The following ADGB variants were observed in gnomAD, a reference collection of about 807,000 sequenced individuals.
ADGB encodes calpain-7-like protein.
In ADGB, 172 loss-of-function variants were observed where a neutral mutation model predicts 210.5. The ratio of observed to expected loss-of-function variants is 0.82; its 90% CI spans 0.72 to 0.93. The LOEUF (loss-of-function observed/expected upper bound fraction) is 0.93. Ranked by LOEUF, ADGB falls within the 40% of genes least tolerant of loss-of-function variation. The pLI, the probability that ADGB is intolerant of heterozygous loss-of-function variation, is 0.00. For missense variants in ADGB, 2,025 were observed against 1,964.8 expected (o/e 1.03, Z -0.58); for synonymous variants, 658 against 662.7 (o/e 0.99, Z 0.11).
At position 146,672,205 on chromosome 6, in the gene ADGB, TG is replaced by T; in HGVS notation, c.840-14del. On this transcript the variant is annotated splice_polypyrimidine_tract_variant and intron_variant, in intron 7 of 35. Transcript: ENST00000397944. Reference sequence around the variant, plus strand: ...AACATCGTTTGGAAATTAATGTTTTTGTCTTTTCTCTTAGCCCGGGATATAT... The same window carrying T: ...AACATCGTTTGGAAATTAATGTTTTTTCTTTTCTCTTAGCCCGGGATATAT... 1 of 1,461,094 alleles carries T rather than the reference TG, an allele frequency of 6.8e-7. No individual in the cohort carries two copies. Among genetic ancestry groups the T allele is most frequent in the Non-Finnish European group, 9.1e-7 (1 of 1,102,840 alleles). 90.5% of individuals were successfully genotyped at this position (1,461,094 alleles called of 1,614,324 possible). A position where few individuals can be genotyped will look rare whatever the true frequency, so the allele number is the denominator to read the frequency against.
chr6:146,734,043 A>G lies in ADGB; in HGVS notation c.2794+13A>G, dbSNP rs1234379197. On this transcript the variant is annotated intron_variant, in intron 22 of 35. Coordinates refer to ENST00000397944, the MANE Select transcript of ADGB (RefSeq NM_024694.4). ...GCCAGAATACCAGGTATGATTGTCCAAACATTTATAAAATGAACTTGTTTG... is the reference window on the plus strand; with the variant it reads ...GCCAGAATACCAGGTATGATTGTCCGAACATTTATAAAATGAACTTGTTTG... 5.2e-6 allele frequency: 8 copies of G among 1,545,332 alleles called. No homozygotes were observed. Among genetic ancestry groups the G allele is most frequent in the Non-Finnish European group, 7.0e-6 (8 of 1,144,734 alleles).
At chr6:146,690,741 C>A (rs892701283) in intron 10 of ADGB, among the ~76,000 whole-genome samples, 2 of 152,118 alleles carry the variant, frequency 1.3e-5, no homozygotes, top group African/African-American at 4.8e-5. Flanking sequence ...GTAGCAATGG[C>A]TAGTTTTTTT....
intron 1 of ADGB, among the ~76,000 whole-genome samples, chr6:146,620,056 G>A (rs1307060378): frequency 6.6e-6 from 1 of 152,050 alleles, no homozygotes; most frequent in Non-Finnish European, 1.5e-5. Context: ...TAATCTTACT[G>A]TTTGGCAGTA....
At chr6:146,720,592 T>C (rs1423873714) in intron 16 of ADGB, among the ~76,000 whole-genome samples, 1 of 152,178 alleles carries the variant, frequency 6.6e-6, no homozygotes, top group Non-Finnish European at 1.5e-5. Flanking sequence ...GGGTAATTTA[T>C]GTAGAAAAGA....
At chr6:146,649,131 A>G (rs1046663263) in intron 3 of ADGB, among the ~76,000 whole-genome samples, 1 of 151,662 alleles carries the variant, frequency 6.6e-6, no homozygotes, top group Non-Finnish European at 1.5e-5. Context: ...CTGAGATATT[A>G]AACAAAGGTA....
At chr6:146,632,526 G>C (rs1781080321) in intron 1 of ADGB, among the ~76,000 whole-genome samples, 1 of 152,072 alleles carries the variant, frequency 6.6e-6, no homozygotes, top group African/African-American at 2.4e-5. Flanking sequence ...TTTGAAGTAG[G>C]GGTTGGTGGT....
At position 146,746,087 on chromosome 6, in the gene ADGB, A is replaced by G; in HGVS notation, c.3343A>G (p.Asn1115Asp). Residue 1115 changes from asparagine to aspartate, a missense_variant, in exon 26 of 36, where the codon AAT becomes GAT. Coordinates refer to ENST00000397944, the MANE Select transcript of ADGB (RefSeq NM_024694.4). ...GGAAATCCGAGATTACTACATACCCAATGATAAGAAAATTTTATTCAGGTA... is the reference window on the plus strand; with the variant it reads ...GGAAATCCGAGATTACTACATACCCGATGATAAGAAAATTTTATTCAGGTA... ...IKEIRDYYIPNDKKILFRYSV... is the reference protein window; with the variant it reads ...IKEIRDYYIPDDKKILFRYSV... 6.5e-7 allele frequency: 1 copy of G among 1,542,040 alleles called. No homozygotes were observed. Among genetic ancestry groups the G allele is most frequent in the South Asian group, 1.2e-5 (1 of 82,108 alleles).
intron 27 of ADGB, among the ~76,000 whole-genome samples, chr6:146,758,199 C>T (rs1279120267): frequency 3.3e-5 from 5 of 152,004 alleles, no homozygotes; most frequent in African/African-American, 1.2e-4. Context: ...TATGTTAAGA[C>T]CATTTATCAG....
intron 29 of ADGB, among the ~76,000 whole-genome samples, chr6:146,772,682 A>G (rs894336385): frequency 1.3e-5 from 2 of 149,106 alleles, no homozygotes; most frequent in African/African-American, 4.9e-5. Context: ...ATAAAACAAT[A>G]TATACATAAT....
At chr6:146,782,269 G>A in intron 30 of ADGB, 77 bp downstream of exon 30, 2 of 1,346,724 alleles carry the variant, frequency 1.5e-6, no homozygotes, top group Non-Finnish European at 2.0e-6. Context: ...TATCTCGTCT[G>A]AGGACAAAAC....
At chr6:146,663,207 T>C (rs1366510941) in intron 5 of ADGB, among the ~76,000 whole-genome samples, 1 of 143,068 alleles carries the variant, frequency 7.0e-6, no homozygotes, top group South Asian at 2.2e-4. Flanking sequence ...TAAGGTTTTT[T>C]ATATATATAT....
chr6:146,729,172 G>GA (rs776105637), intron 20 of ADGB, among the ~76,000 whole-genome samples: 11 of 152,162 alleles, frequency 7.2e-5, no homozygotes, highest in Non-Finnish European at 1.3e-4. Flanking sequence ...AGGCAGCCTT[G>GA]AGGGGGTGAA....
At chr6:146,644,664 A>G (rs1775579738) in intron 2 of ADGB, 109 bp from the exon 3 acceptor site, 2 of 594,830 alleles carry the variant, frequency 3.4e-6, no homozygotes, top group Non-Finnish European at 5.5e-6. Context: ...ACTGCTTTGT[A>G]AAGGCTTATT....
chr6:146,699,051 T>C (rs1776450678), intron 12 of ADGB, among the ~76,000 whole-genome samples: 1 of 152,212 alleles, frequency 6.6e-6, no homozygotes, highest in Non-Finnish European at 1.5e-5. Context: ...TTCTGATTAA[T>C]ATCATGCTTA....
chr6:146,746,298 T>C (rs1054177556), intron 26 of ADGB, among the ~76,000 whole-genome samples, 189 bp downstream of exon 26: 17 of 152,164 alleles, frequency 1.1e-4, no homozygotes, highest in Non-Finnish European at 1.5e-4. Flanking sequence ...TATGGCTACA[T>C]ATAATGGTAG....
intron 17 of ADGB, among the ~76,000 whole-genome samples, 194 bp downstream of exon 17, chr6:146,721,699 G>A (rs995590445): frequency 4.6e-5 from 7 of 152,060 alleles, no homozygotes; most frequent in African/African-American, 1.7e-4. Flanking sequence ...TTAGCCAGGC[G>A]TGATGGCACG....
intron 30 of ADGB, among the ~76,000 whole-genome samples, chr6:146,783,638 C>T (rs1186029080): frequency 6.6e-6 from 1 of 152,142 alleles, no homozygotes; most frequent in Admixed American, 6.5e-5. Flanking sequence ...AAAGCAAGGT[C>T]ATTTGGTAAC....
intron 1 of ADGB, among the ~76,000 whole-genome samples, chr6:146,623,621 A>G (rs1780930763): frequency 6.6e-6 from 1 of 151,902 alleles, no homozygotes; most frequent in African/African-American, 2.4e-5. Context: ...CATAGTTACA[A>G]TCATGTCATC....
At chr6:146,654,908 A>C (rs1050475454) in intron 4 of ADGB, among the ~76,000 whole-genome samples, 3 of 152,142 alleles carry the variant, frequency 2.0e-5, no homozygotes, top group Non-Finnish European at 4.4e-5. Context: ...GTAAATCTCC[A>C]TAACTTATCT....
Sources: allele counts gnomAD v4.1 joint callset (sites outside exome capture counted in the v4.1 genomes callset), GRCh38; gene constraint gnomAD v4.1.1; transcripts MANE v1.5; gene names NCBI Gene and HGNC (gene_info 2026-07-23, HGNC 2026-07-21).